The following PCBP3 variants were observed in gnomAD, a reference collection of about 807,000 sequenced individuals.
The protein encoded by PCBP3 is poly(rC)-binding protein 3.
A neutral mutation model predicts 52.7 loss-of-function variants in PCBP3; 25 were observed. That is an observed-to-expected ratio of 0.47 (90% CI 0.35 to 0.66). The LOEUF (loss-of-function observed/expected upper bound fraction) is 0.66. Ranked by LOEUF, PCBP3 falls within the 30% of genes least tolerant of loss-of-function variation. The pLI is 0.01. For missense variants in PCBP3, 391 were observed against 490.3 expected (o/e 0.80, Z 1.91); for synonymous variants, 162 against 183.0 (o/e 0.89, Z 0.93).
intron 2 of PCBP3, among the ~76,000 whole-genome samples, chr21:45,703,305 T>A (rs1052857753): frequency 2.6e-5 from 4 of 152,226 alleles, no homozygotes; most frequent in African/African-American, 9.6e-5. Context: ...ATCAGAGGAA[T>A]CACCATCTGT....
chr21:45,914,076 G>A, intron 12 of PCBP3, 51 bp downstream of exon 12: 1 of 1,597,440 alleles, frequency 6.3e-7, no homozygotes, highest in Non-Finnish European at 8.6e-7. Flanking sequence ...GCCTTTTACT[G>A]CAGCACCCGC....
At chr21:45,739,331 T>TTCCTGTCCATGGTCCTCTGGGTAGCCCC (rs2086195570) in intron 3 of PCBP3, among the ~76,000 whole-genome samples, 1 of 11,096 alleles carries the variant, frequency 9.0e-5, no homozygotes, top group Admixed American at 1.2e-3. Flanking sequence ...GGGTGGCCCC[T>TTCCTGTCCATGGTCCTCTGGGTAGCCCC]CCCATCTTCA....
chr21:45,876,577 A>T (rs559946136), intron 5 of PCBP3, among the ~76,000 whole-genome samples: 1 of 152,338 alleles, frequency 6.6e-6, no homozygotes, highest in Non-Finnish European at 1.5e-5. Context: ...CGCCTGTGAC[A>T]GGCAGGAGCA....
intron 5 of PCBP3, among the ~76,000 whole-genome samples, chr21:45,874,928 A>G (rs1355957847): frequency 1.3e-5 from 2 of 151,966 alleles, no homozygotes; most frequent in Admixed American, 1.3e-4. Context: ...CTCACGAGAG[A>G]GCATGCAGGT....
At chr21:45,873,774 G>A (rs1278993143) in intron 5 of PCBP3, among the ~76,000 whole-genome samples, 1 of 152,194 alleles carries the variant, frequency 6.6e-6, no homozygotes, top group Non-Finnish European at 1.5e-5. Flanking sequence ...TCTGGTTTTT[G>A]TTGTTGTTGT....
At chr21:45,728,016 T>G (rs915742991) in intron 2 of PCBP3, among the ~76,000 whole-genome samples, 4 of 152,256 alleles carry the variant, frequency 2.6e-5, no homozygotes, top group Non-Finnish European at 4.4e-5. Flanking sequence ...TCAAAGTTCT[T>G]TGGCTGGTTT....
intron 1 of PCBP3, among the ~76,000 whole-genome samples, chr21:45,659,427 C>T (rs2080240405): frequency 6.8e-6 from 1 of 146,870 alleles, no homozygotes; most frequent in South Asian, 2.2e-4. Flanking sequence ...ACTGCAGCCT[C>T]AACTTTGAGT....
intron 2 of PCBP3, among the ~76,000 whole-genome samples, chr21:45,710,976 C>T (rs542870381): frequency 1.3e-5 from 2 of 152,082 alleles, no homozygotes; most frequent in Non-Finnish European, 2.9e-5. Flanking sequence ...TTTGACATAC[C>T]CACATCATTG....
At chr21:45,742,103 T>C (rs1326496353) in intron 3 of PCBP3, among the ~76,000 whole-genome samples, 1 of 152,198 alleles carries the variant, frequency 6.6e-6, no homozygotes, top group East Asian at 1.9e-4. Flanking sequence ...TTATTCCCTT[T>C]TTGTTTATTT....
At chr21:45,862,022 G>A (rs1254988750) in intron 5 of PCBP3, among the ~76,000 whole-genome samples, 1 of 152,144 alleles carries the variant, frequency 6.6e-6, no homozygotes, top group East Asian at 1.9e-4. Flanking sequence ...GGCCACGAAC[G>A]CTGTGTCCCC....
intron 13 of PCBP3, chr21:45,918,758 A>ATCCATCGG: frequency 7.1e-6 from 1 of 141,304 alleles, no homozygotes; most frequent in Non-Finnish European, 1.5e-5. Context: ...CTCTCAGATA[A>ATCCATCGG]ACGGTCGGTG....
chr21:45,844,434 G>A (rs1173678673), intron 4 of PCBP3, among the ~76,000 whole-genome samples: 1 of 152,056 alleles, frequency 6.6e-6, no homozygotes, highest in African/African-American at 2.4e-5. Flanking sequence ...GGAGCCCTGG[G>A]GTCACATTCT....
intron 4 of PCBP3, among the ~76,000 whole-genome samples, chr21:45,758,848 C>G (rs1224637643): frequency 6.6e-6 from 1 of 151,908 alleles, no homozygotes; most frequent in Non-Finnish European, 1.5e-5. Flanking sequence ...GGTTTCTCAC[C>G]TTAAGTATGA....
At chr21:45,932,014 G>A (rs969534936) in intron 15 of PCBP3, among the ~76,000 whole-genome samples, 12 of 150,852 alleles carry the variant, frequency 8.0e-5, no homozygotes, top group East Asian at 2.0e-4. Context: ...TGAACATGTC[G>A]GCCGTGCCGT....
chr21:45,755,973 T>C (rs939801749), intron 4 of PCBP3, among the ~76,000 whole-genome samples: 2 of 152,230 alleles, frequency 1.3e-5, no homozygotes, highest in African/African-American at 2.4e-5. Context: ...ATGGTTGTAT[T>C]TCCTGTGTCC....
Position 45,754,099 on chromosome 21 carries a change from T to C in PCBP3, c.-161-1318T>C, listed in dbSNP as rs544586393. Among the ~76,000 whole-genome samples the C allele has an allele frequency of 3.3e-5, 5 of 152,324 alleles. No homozygotes were observed. In the East Asian group the frequency reaches 9.6e-4, roughly 29 times the overall value. ...TAATAGGTAAAATGTATTTTACTTA[T>C]TAGGTCATTCTGAAATTGTTTTACC... is the stretch of plus-strand genomic sequence containing the variant. On this transcript the variant is annotated intron_variant, in intron 3 of 17. Coordinates refer to ENST00000681687, the MANE Select transcript of PCBP3 (RefSeq NM_001384156.1).
At chr21:45,694,343 G>A (rs1378659133) in intron 2 of PCBP3, among the ~76,000 whole-genome samples, 1 of 152,146 alleles carries the variant, frequency 6.6e-6, no homozygotes, top group Non-Finnish European at 1.5e-5. Context: ...TATTTTAAAA[G>A]CAAGGATGTA....
At chr21:45,753,932 A>G (rs1342554084) in intron 3 of PCBP3, among the ~76,000 whole-genome samples, 1 of 152,158 alleles carries the variant, frequency 6.6e-6, no homozygotes, top group Non-Finnish European at 1.5e-5. Flanking sequence ...ATCTCACCAC[A>G]TTCATTACTA....
At position 45,880,219 on chromosome 21, in the gene PCBP3, G is replaced by A. The variant is rs930071153; in HGVS notation, c.11-15989G>A. ...AAGTCACGGCCAGCCTTCGAAAGCA[G>A]GACTGTTGCCTGGTTCCCCAGTTGC... is the stretch of plus-strand genomic sequence containing the variant. On this transcript the variant is annotated intron_variant, in intron 5 of 17. Transcript: ENST00000681687. This position sits in a 1 kb window ranked among gnomAD's most constrained non-coding sequence, Gnocchi z 5.4. Among the ~76,000 whole-genome samples, 1 of 152,244 alleles carries A rather than the reference G, an allele frequency of 6.6e-6. No individual in the cohort carries two copies. Among genetic ancestry groups the A allele is most frequent in the Non-Finnish European group, 1.5e-5 (1 of 68,050 alleles).
Sources: allele counts gnomAD v4.1 joint callset (sites outside exome capture counted in the v4.1 genomes callset), GRCh38; gene constraint gnomAD v4.1.1; non-coding constraint Gnocchi (gnomAD v3.1); transcripts MANE v1.5; gene names NCBI Gene and HGNC (gene_info 2026-07-23, HGNC 2026-07-21).